The following KSR2 variants were observed in gnomAD, a reference collection of about 807,000 sequenced individuals.
The protein encoded by KSR2 is kinase suppressor of ras 2.
In KSR2, 25 loss-of-function variants were observed where a neutral mutation model predicts 107.8. That is an observed-to-expected ratio of 0.23 (90% CI 0.17 to 0.32). The LOEUF (loss-of-function observed/expected upper bound fraction) is 0.32. KSR2 is among the 10% of genes least tolerant of loss of function. The pLI, the probability that KSR2 is intolerant of heterozygous loss-of-function variation, is 1.00. For synonymous variants in KSR2, 480 were observed against 507.0 expected, an observed-to-expected ratio of 0.95 and a Z score of 0.71; for missense variants, 887 against 1,268.9, an observed-to-expected ratio of 0.70 and a Z score of 4.57.
intron 4 of KSR2, among the ~76,000 whole-genome samples, chr12:117,728,760 G>C (rs1887548344): frequency 6.6e-6 from 1 of 152,160 alleles, no homozygotes; most frequent in Admixed American, 6.5e-5. Context: ...GTCTCAGTAG[G>C]GAAGAAGTGG....
intron 5 of KSR2, among the ~76,000 whole-genome samples, chr12:117,663,111 C>T (rs1331719450): frequency 6.6e-6 from 1 of 152,168 alleles, no homozygotes; most frequent in Non-Finnish European, 1.5e-5. Flanking sequence ...AAGGCTGTCA[C>T]CCACAACACA....
chr12:117,883,031 TCATC>T (rs1212218123), intron 1 of KSR2, among the ~76,000 whole-genome samples: 2 of 151,048 alleles, frequency 1.3e-5, no homozygotes, highest in African/African-American at 4.9e-5. Flanking sequence ...ATCCAACCAC[TCATC>T]CATCCATCTC....
At chr12:117,837,944 G>A (rs961298993) in intron 3 of KSR2, among the ~76,000 whole-genome samples, 4 of 152,162 alleles carry the variant, frequency 2.6e-5, no homozygotes, top group Non-Finnish European at 5.9e-5. Context: ...GGGGAAATTC[G>A]GAGTGTAGGG....
chr12:117,925,564 G>A (rs1011927178), intron 1 of KSR2, among the ~76,000 whole-genome samples: 13 of 152,140 alleles, frequency 8.5e-5, no homozygotes, highest in Admixed American at 2.6e-4. Context: ...TATTTTAATA[G>A]ACAGTGGTAT....
rs576257218 is a variant in KSR2 at position 117,562,775 on chromosome 12, A to AGTGGGAGACCGAACACTCTT, written c.1326-4222_1326-4203dup. ...AGCCCTCCTTGACCTCTGTCCCAGG[A>AGTGGGAGACCGAACACTCTT]GTGGGAGACCGAACACTCTTCCTTC... On this transcript the variant is annotated intron_variant, in intron 7 of 19. Transcript: ENST00000339824. Among the ~76,000 whole-genome samples, 66 of 152,154 alleles carry AGTGGGAGACCGAACACTCTT rather than the reference A, an allele frequency of 4.3e-4. No homozygotes were observed. In the East Asian group the frequency reaches 0.011, roughly 26 times the overall value.
chr12:117,731,120 G>A (rs1344789353), intron 4 of KSR2, among the ~76,000 whole-genome samples: 5 of 147,468 alleles, frequency 3.4e-5, no homozygotes, highest in South Asian at 2.2e-4. Context: ...CTGCCCAGCC[G>A]CCCCGTCTGG....
intron 4 of KSR2, among the ~76,000 whole-genome samples, chr12:117,713,350 G>T (rs1886863923): frequency 6.6e-6 from 1 of 150,516 alleles, no homozygotes; most frequent in African/African-American, 2.5e-5. Context: ...TAAGTAGACA[G>T]TAGATAGATA....
chr12:117,690,226 A>G (rs1885756544), intron 4 of KSR2, among the ~76,000 whole-genome samples: 1 of 152,206 alleles, frequency 6.6e-6, no homozygotes, highest in Non-Finnish European at 1.5e-5. Flanking sequence ...TCTATAGAAC[A>G]GACCCTGACA....
At chr12:117,637,402 T>A (rs967896597) in intron 5 of KSR2, among the ~76,000 whole-genome samples, 7 of 151,954 alleles carry the variant, frequency 4.6e-5, no homozygotes, top group Non-Finnish European at 1.0e-4. Context: ...CTGCTACACA[T>A]CCTGCAAGGC....
intron 1 of KSR2, among the ~76,000 whole-genome samples, chr12:117,892,985 T>G (rs1327610657): frequency 1.3e-5 from 2 of 151,240 alleles, no homozygotes; most frequent in Non-Finnish European, 2.9e-5. Flanking sequence ...ACTAATGAAA[T>G]GAAGGGGGAA....
intron 4 of KSR2, among the ~76,000 whole-genome samples, chr12:117,752,359 A>C (rs1022562026): frequency 2.0e-5 from 3 of 152,208 alleles, no homozygotes; most frequent in Non-Finnish European, 4.4e-5. Flanking sequence ...TTTGGGGAAA[A>C]CAGAAGAATT....
chr12:117,793,374 C>T (rs1179100372), intron 3 of KSR2, among the ~76,000 whole-genome samples: 2 of 148,794 alleles, frequency 1.3e-5, no homozygotes, highest in African/African-American at 5.0e-5. Context: ...CCAACATGCA[C>T]ACACACCACT....
intron 1 of KSR2, among the ~76,000 whole-genome samples, chr12:117,927,923 C>A (rs1000526233): frequency 3.9e-5 from 6 of 152,084 alleles, no homozygotes; most frequent in African/African-American, 9.7e-5. Flanking sequence ...CCATCACTAC[C>A]ATCCATCCAT....
chr12:117,725,762 A>G (rs971670402), intron 4 of KSR2, among the ~76,000 whole-genome samples: 2 of 152,168 alleles, frequency 1.3e-5, no homozygotes, highest in Admixed American at 6.5e-5. Flanking sequence ...CCTGGCCAAC[A>G]TGGTGAAACC....
chr12:117,685,472 C>T (rs1009383482), intron 4 of KSR2, among the ~76,000 whole-genome samples: 8 of 152,186 alleles, frequency 5.3e-5, no homozygotes, highest in African/African-American at 9.7e-5. Flanking sequence ...GATAAATTGG[C>T]GCAGAGGTCT....
At chr12:117,590,778 C>A (rs1169590061) in intron 5 of KSR2, among the ~76,000 whole-genome samples, 2 of 152,168 alleles carry the variant, frequency 1.3e-5, no homozygotes, top group Non-Finnish European at 2.9e-5. Flanking sequence ...GTAACAGAGA[C>A]AGTATGGTCC....
rs1233849118 is a variant in KSR2 at position 117,457,262 on chromosome 12, CT to C, written c.*9936del. ...AGTCCCCTCCTTGTGTTTTCCTGTT[CT>C]CCTCTGATTTCCTTTCTCCCATGGA... On this transcript the variant is annotated 3_prime_UTR_variant, in exon 20 of 20. Coordinates refer to ENST00000339824, the MANE Select transcript of KSR2 (RefSeq NM_173598.6). 6.6e-6 allele frequency: 1 copy of C among 152,262 alleles called. No homozygotes were observed. The highest frequency in any genetic ancestry group is 6.5e-5 in the Admixed American group (1 of 15,286). The allele number at this position is 152,262 out of a possible 1,614,324, so 9.4% of individuals were successfully genotyped here.
chr12:117,740,484 TA>T lies in KSR2; in HGVS notation c.986+20526del, dbSNP rs1291145351. On this transcript the variant is annotated intron_variant, in intron 4 of 19. Coordinates refer to ENST00000339824, the MANE Select transcript of KSR2 (RefSeq NM_173598.6). ...TATATTATATGTAATATATAACATATAATATATATGTTATATATTACATTTA... is the reference window on the plus strand; with the variant it reads ...TATATTATATGTAATATATAACATATATATATATGTTATATATTACATTTA... 6.2e-5 allele frequency among the ~76,000 whole-genome samples: 8 copies of T among 128,668 alleles called. 1 individual carries two copies. The highest frequency in any genetic ancestry group is 1.7e-4 in the African/African-American group (6 of 35,158). The allele number at this position is 128,668 out of a possible 152,430, so 84.4% of individuals were successfully genotyped here. A position where few individuals can be genotyped will look rare whatever the true frequency, so the allele number is the denominator to read the frequency against.
intron 9 of KSR2, among the ~76,000 whole-genome samples, chr12:117,540,802 C>A (rs543183328): frequency 1.3e-5 from 2 of 152,306 alleles, no homozygotes; most frequent in African/African-American, 4.8e-5. Context: ...AGAAGGCAAC[C>A]TTGCTGGCAT....
Sources: gnomAD v4.1 joint callset for allele counts (sites outside exome capture counted in the v4.1 genomes callset) on GRCh38, gnomAD v4.1.1 for gene constraint, MANE v1.5 for transcripts, NCBI Gene and HGNC (gene_info 2026-07-23, HGNC 2026-07-21) for gene names.